MYO3B: variants seen among roughly 807,000 people sequenced by gnomAD.
The protein encoded by MYO3B is myosin IIIB.
Under a neutral mutation model 174.6 loss-of-function variants are expected in MYO3B, and 156 were observed. The observed-to-expected ratio is 0.89, with a 90% CI of 0.78 to 1.02. The LOEUF is 1.02. Ranked by LOEUF, MYO3B falls within the 50% of genes least tolerant of loss-of-function variation. The pLI, the probability that MYO3B is intolerant of heterozygous loss-of-function variation, is 0.00. For synonymous variants in MYO3B, 563 were observed against 569.1 expected (o/e 0.99, Z 0.15); for missense variants, 1,632 against 1,639.4 (o/e 1.00, Z 0.08).
intron 25 of MYO3B, among the ~76,000 whole-genome samples, chr2:170,479,133 A>T (rs1685514132): frequency 6.7e-6 from 1 of 149,806 alleles, no homozygotes; most frequent in African/African-American, 2.4e-5. Flanking sequence ...AAACTACGAA[A>T]ATTAGCTGGG....
At chr2:170,573,227 G>GTGTGTATATATATATA (rs1446970724) in intron 32 of MYO3B, among the ~76,000 whole-genome samples, 4 of 46,480 alleles carry the variant, frequency 8.6e-5, no homozygotes, top group South Asian at 5.7e-4. Flanking sequence ...TATACTGTGT[G>GTGTGTATATATATATA]TATATATATA....
At chr2:170,383,331 A>G (rs1313529429) in intron 11 of MYO3B, 142 bp downstream of exon 11, 1 of 625,764 alleles carries the variant, frequency 1.6e-6, no homozygotes, top group African/African-American at 1.8e-5. Context: ...ATGTAATACA[A>G]ATGGAATTTT....
At chr2:170,625,533 T>C (rs12616394) in intron 32 of MYO3B, among the ~76,000 whole-genome samples, 20,002 of 152,118 alleles carry the variant, frequency 0.13, 1,490 homozygotes, top group East Asian at 0.32. Flanking sequence ...TTTCAAAGGG[T>C]TTTTTGTGTC....
chr2:170,235,570 G>A (rs4667630), intron 6 of MYO3B, among the ~76,000 whole-genome samples: 3 of 151,894 alleles, frequency 2.0e-5, no homozygotes, highest in Non-Finnish European at 4.4e-5. Context: ...GGTTATACTC[G>A]CGGGAATTTC....
intron 12 of MYO3B, among the ~76,000 whole-genome samples, chr2:170,385,072 C>A (rs937465501): frequency 4.0e-5 from 6 of 151,814 alleles, no homozygotes; most frequent in South Asian, 4.2e-4. Context: ...GGGTATAACT[C>A]AGGAACAGCC....
At chr2:170,420,124 G>T (rs1253984531) in intron 22 of MYO3B, among the ~76,000 whole-genome samples, 9 of 152,112 alleles carry the variant, frequency 5.9e-5, no homozygotes, top group Admixed American at 2.6e-4. Flanking sequence ...GGATGCGGAG[G>T]TGGCAGTGAG....
intron 30 of MYO3B, among the ~76,000 whole-genome samples, chr2:170,534,437 T>C (rs1689554242): frequency 6.6e-6 from 1 of 152,184 alleles, no homozygotes; most frequent in Admixed American, 6.6e-5. Context: ...CAACTGGGTG[T>C]CCTGTTTTTT....
intron 12 of MYO3B, among the ~76,000 whole-genome samples, chr2:170,385,397 T>C (rs902290434): frequency 6.6e-6 from 1 of 152,134 alleles, no homozygotes. Flanking sequence ...GAGGTATGGT[T>C]GAAAGGGGCT....
chr2:170,532,316 G>A (rs556694202), intron 30 of MYO3B, among the ~76,000 whole-genome samples: 5 of 152,214 alleles, frequency 3.3e-5, no homozygotes, highest in Non-Finnish European at 5.9e-5. Flanking sequence ...CTAAAAGAAC[G>A]TTACCTCTGA....
chr2:170,355,172 T>C lies in MYO3B; in HGVS notation c.816-14050T>C, dbSNP rs16858203. ...AGGTGACAGGCATGGTAGTGGTTTG[T>C]GTCCTCAGGAACATGAACCAAGACA... is the stretch of plus-strand genomic sequence containing the variant. On this transcript the variant is annotated intron_variant, in intron 8 of 34. Transcript: ENST00000408978. Among the ~76,000 whole-genome samples the C allele has an allele frequency of 9.1e-3, 1,392 of 152,330 alleles. 22 individuals are homozygous for C. The highest frequency in any genetic ancestry group is 0.032 in the African/African-American group (1,343 of 41,566).
At chr2:170,325,216 GT>G (rs988102834) in intron 7 of MYO3B, among the ~76,000 whole-genome samples, 1 of 150,700 alleles carries the variant, frequency 6.6e-6, no homozygotes, top group African/African-American at 2.4e-5. Context: ...GTTTGGTTTG[GT>G]TTTTTTTTGA....
intron 7 of MYO3B, among the ~76,000 whole-genome samples, chr2:170,323,869 T>G (rs2093846448): frequency 6.6e-6 from 1 of 152,156 alleles, no homozygotes; most frequent in South Asian, 2.1e-4. Flanking sequence ...TATAGGAAAG[T>G]CTTGGGTTCC....
chr2:170,273,612 T>C (rs1159728398), intron 7 of MYO3B, among the ~76,000 whole-genome samples: 1 of 152,172 alleles, frequency 6.6e-6, no homozygotes, highest in African/African-American at 2.4e-5. Flanking sequence ...TGCTCATTTC[T>C]TCCTTCCTCT....
intron 12 of MYO3B, 104 bp from the exon 13 acceptor site, chr2:170,386,085 C>A: frequency 1.2e-6 from 1 of 838,170 alleles, no homozygotes; most frequent in South Asian, 1.7e-5. Flanking sequence ...TAAGATCTAT[C>A]TCTCAGTGAA....
intron 32 of MYO3B, among the ~76,000 whole-genome samples, chr2:170,593,090 T>C (rs774001211): frequency 9.8e-4 from 149 of 152,064 alleles, no homozygotes; most frequent in Non-Finnish European, 1.7e-3. Context: ...GAGGAGGAGA[T>C]AGATTTCTAG....
At chr2:170,210,899 T>C (rs908645888) in intron 3 of MYO3B, among the ~76,000 whole-genome samples, 3 of 152,170 alleles carry the variant, frequency 2.0e-5, no homozygotes, top group African/African-American at 4.8e-5. Flanking sequence ...ACAACACATA[T>C]GTAACTACAC....
intron 8 of MYO3B, among the ~76,000 whole-genome samples, chr2:170,357,135 T>C (rs1043143763): frequency 6.6e-6 from 1 of 151,836 alleles, no homozygotes; most frequent in African/African-American, 2.4e-5. Flanking sequence ...ACAGAATTCC[T>C]GTCTCTACTA....
chr2:170,444,145 C>A, intron 23 of MYO3B, 99 bp downstream of exon 23: 2 of 1,007,714 alleles, frequency 2.0e-6, no homozygotes, highest in South Asian at 1.5e-5. Flanking sequence ...TTCTAGCAGC[C>A]CTCTGCCTGG....
intron 22 of MYO3B, among the ~76,000 whole-genome samples, chr2:170,429,446 G>A (rs574018636): frequency 7.2e-5 from 11 of 152,294 alleles, no homozygotes; most frequent in East Asian, 1.9e-4. Flanking sequence ...AGTGACTTAT[G>A]ATACCTTAGC....
Sources: allele counts gnomAD v4.1 joint callset (sites outside exome capture counted in the v4.1 genomes callset), GRCh38; gene constraint gnomAD v4.1.1; transcripts MANE v1.5; gene names NCBI Gene and HGNC (gene_info 2026-07-23, HGNC 2026-07-21).